Variants in CCDC12 observed in about 807,000 individuals in gnomAD.
The protein encoded by CCDC12 is coiled-coil domain containing 12.
CCDC12 carries 28 observed loss-of-function variants against 25.7 expected under a neutral mutation model. The observed-to-expected ratio is 1.09, with a 90% CI of 0.81 to 1.50. The LOEUF is 1.50. Among genes scored for constraint, CCDC12 ranks in the 40% most tolerant of loss-of-function variants. The probability of loss-of-function intolerance (pLI) is 0.00; values close to 1 mark genes in which losing one functional copy is unlikely to be tolerated. For synonymous variants in CCDC12, 75 were observed against 87.7 expected, an observed-to-expected ratio of 0.86 and a Z score of 0.81; for missense variants, 198 against 210.0, an observed-to-expected ratio of 0.94 and a Z score of 0.35.
intron 2 of CCDC12, among the ~76,000 whole-genome samples, chr3:46,927,410 G>A (rs1441457783): frequency 6.6e-6 from 1 of 152,180 alleles, no homozygotes; most frequent in Non-Finnish European, 1.5e-5. Flanking sequence ...TTTCAGAAAC[G>A]GTCTCCAGGG....
chr3:46,977,012 A>G, upstream of CCDC12: 1 of 513,190 alleles, frequency 1.9e-6, no homozygotes, highest in Non-Finnish European at 3.4e-6. Flanking sequence ...AACGCTGATC[A>G]GTGAAAGAGC....
intron 2 of CCDC12, among the ~76,000 whole-genome samples, chr3:46,926,414 A>G (rs1352361665): frequency 1.3e-5 from 2 of 152,210 alleles, no homozygotes; most frequent in Non-Finnish European, 1.5e-5. Context: ...AAAGGCCTCC[A>G]TGAAGAGAGA....
At chr3:46,968,464 G>A (rs905887802) in intron 1 of CCDC12, among the ~76,000 whole-genome samples, 5 of 152,170 alleles carry the variant, frequency 3.3e-5, no homozygotes, top group African/African-American at 1.2e-4. Context: ...GTTTATAAAA[G>A]GCCTGTGTGC....
At chr3:46,971,457 C>T (rs1028717749) in intron 1 of CCDC12, among the ~76,000 whole-genome samples, 6 of 152,342 alleles carry the variant, frequency 3.9e-5, no homozygotes, top group Non-Finnish European at 5.9e-5. Context: ...TGCCTTGCTC[C>T]TCTCACTAAT....
chr3:46,973,353 C>CAAAAA (rs71098438), intron 1 of CCDC12, among the ~76,000 whole-genome samples: 1 of 103,924 alleles, frequency 9.6e-6, no homozygotes, highest in African/African-American at 4.0e-5. Context: ...AGCTCCATCT[C>CAAAAA]AAAAAAAAAA....
At chr3:46,925,624 T>A in intron 2 of CCDC12, 89 bp from the exon 3 acceptor site, 1 of 1,065,938 alleles carries the variant, frequency 9.4e-7, no homozygotes, top group Non-Finnish European at 1.3e-6. Context: ...AGCCCGTGAA[T>A]TCCTGAATTT....
chr3:46,966,904 C>T (rs1396531488), intron 1 of CCDC12, among the ~76,000 whole-genome samples: 1 of 152,072 alleles, frequency 6.6e-6, no homozygotes, highest in East Asian at 1.9e-4. Context: ...CTTCTCTCAG[C>T]CCCACTGTCC....
intron 2 of CCDC12, among the ~76,000 whole-genome samples, chr3:46,939,383 A>C (rs2033602806): frequency 1.3e-5 from 2 of 151,888 alleles, no homozygotes; most frequent in African/African-American, 2.4e-5. Context: ...ATCAGAGAAA[A>C]CACCACCAGC....
At chr3:46,925,341 G>A (rs1314264915) in intron 3 of CCDC12, 115 bp downstream of exon 3, 1 of 869,392 alleles carries the variant, frequency 1.2e-6, no homozygotes, top group Admixed American at 2.0e-5. Flanking sequence ...GGTCCTGCCT[G>A]CAGGCCCAAC....
intron 1 of CCDC12, among the ~76,000 whole-genome samples, chr3:46,967,295 G>A (rs2034671438): frequency 6.6e-6 from 1 of 152,094 alleles, no homozygotes; most frequent in Non-Finnish European, 1.5e-5. Context: ...CCAAGGGCAT[G>A]TCAGCTTTGC....
At chr3:46,940,954 T>C (rs535988590) in intron 2 of CCDC12, 44 bp downstream of exon 2, 26 of 1,587,978 alleles carry the variant, frequency 1.6e-5, no homozygotes, top group Non-Finnish European at 1.6e-5. Context: ...GACCGATGAG[T>C]GCTGGAGGAG....
At chr3:46,940,845 T>G in intron 2 of CCDC12, 153 bp downstream of exon 2, 13 of 689,070 alleles carry the variant, frequency 1.9e-5, no homozygotes, top group Non-Finnish European at 2.8e-5. Flanking sequence ...TCTGAGATGT[T>G]GAGATTTTAA....
At chr3:46,973,958 T>G (rs564396159) in intron 1 of CCDC12, among the ~76,000 whole-genome samples, 1 of 152,126 alleles carries the variant, frequency 6.6e-6, no homozygotes, top group Non-Finnish European at 1.5e-5. Context: ...AGGCAAAACG[T>G]AGAAGCAACC....
At chr3:46,965,178 T>C (rs958487861) in intron 1 of CCDC12, among the ~76,000 whole-genome samples, 3 of 152,260 alleles carry the variant, frequency 2.0e-5, no homozygotes, top group African/African-American at 7.2e-5. Context: ...ATCAAGACCA[T>C]GCAAATTCTT....
intron 1 of CCDC12, among the ~76,000 whole-genome samples, chr3:46,974,785 C>A (rs2034914109): frequency 6.6e-6 from 1 of 152,224 alleles, no homozygotes; most frequent in Non-Finnish European, 1.5e-5. Context: ...TCTTTTACTT[C>A]ACACACTGAA....
intron 2 of CCDC12, among the ~76,000 whole-genome samples, chr3:46,932,027 G>A (rs975312000): frequency 4.6e-5 from 7 of 152,106 alleles, no homozygotes; most frequent in South Asian, 2.1e-4. Context: ...TGCTGCCAGA[G>A]GCCAGACTCG....
At chr3:46,943,194 G>A (rs1244089367) in intron 1 of CCDC12, among the ~76,000 whole-genome samples, 1 of 152,160 alleles carries the variant, frequency 6.6e-6, no homozygotes, top group Non-Finnish European at 1.5e-5. Context: ...AAACAAGTCA[G>A]GATTCTCCAA....
At chr3:46,939,849 A>G (rs1331901921) in intron 2 of CCDC12, among the ~76,000 whole-genome samples, 3 of 152,160 alleles carry the variant, frequency 2.0e-5, no homozygotes, top group Admixed American at 1.3e-4. Flanking sequence ...TTCTACTCAT[A>G]CTGGTGAAGG....
Position 46,940,999 on chromosome 3 carries a change from T to C in CCDC12, c.163A>G (p.Arg55Gly), listed in dbSNP as rs1169678485. The part of the protein sequence containing the change: ...REEEEEGEKH[R>G]ELRLRNYVPE... ...CCTGGAGCTGCACACGGGCATTACC[T>C]GTGCTTCTCGCCTTCTTCCTCCTCT... is the stretch of plus-strand genomic sequence containing the variant. Residue 55 changes from arginine to glycine, a missense_variant and splice_region_variant, in exon 2 of 7, where the codon AGG becomes GGG. Arg to Gly is a moderately radical substitution (Grantham distance 125). Transcript: ENST00000683445. 4 of 1,614,114 alleles carry C rather than the reference T, an allele frequency of 2.5e-6. No homozygotes were observed. In the Admixed American group the frequency reaches 6.7e-5, roughly 27 times the overall value.
Sources: gnomAD v4.1 joint callset for allele counts (sites outside exome capture counted in the v4.1 genomes callset) on GRCh38, gnomAD v4.1.1 for gene constraint, MANE v1.5 for transcripts, NCBI Gene and HGNC (gene_info 2026-07-23, HGNC 2026-07-21) for gene names.